Variants in WDR87 observed in about 807,000 individuals in gnomAD.
WDR87 encodes WD repeat-containing protein 87.
WDR87 carries 56 observed loss-of-function variants against 83.3 expected under a neutral mutation model. The ratio of observed to expected loss-of-function variants is 0.67; its 90% CI spans 0.54 to 0.84. The LOEUF is 0.84. Ranked by LOEUF, WDR87 falls within the 40% of genes least tolerant of loss-of-function variation. The probability of loss-of-function intolerance (pLI) is 0.00; values close to 1 mark genes in which losing one functional copy is unlikely to be tolerated. For synonymous variants in WDR87, 1,173 were observed against 1,250.6 expected (o/e 0.94, Z 1.31); for missense variants, 2,939 against 3,431.9 (o/e 0.86, Z 3.59).
At position 37,889,675 on chromosome 19, in the gene WDR87, T is replaced by G. The variant is rs774971983; in HGVS notation, c.3996A>C (p.Leu1332=). The G allele has an allele frequency of 6.4e-7, 1 of 1,551,778 alleles. No homozygotes were observed. Among genetic ancestry groups the G allele is most frequent in the South Asian group, 1.2e-5 (1 of 84,054 alleles). Residue 1332 remains leucine (L), a synonymous_variant, in exon 6 of 6, where the codon CTA becomes CTC. Coordinates refer to ENST00000447313, the MANE Select transcript of WDR87 (RefSeq NM_001291088.2). ...GCAGAACCTTACTTTCTTTCTTCAA[T>G]AGGGGGCAGATCTCCTGAAAGAGTT... ...SWELFQEICP[L]LKKESKVLLE...
In WDR87 at chr19:37,895,188, A is replaced by G. The variant is rs1428493823; in HGVS notation, c.515T>C (p.Val172Ala). Reference sequence around the variant, plus strand: ...ACCTAGCTCAATGACCCAGGTCACCACTGCCCCCAGGATGCCAGACAGAAG... The same window carrying G: ...ACCTAGCTCAATGACCCAGGTCACCGCTGCCCCCAGGATGCCAGACAGAAG... ...KMLLSGILGA[V>A]VTWVIELGGT... Residue 172 changes from valine (V) to alanine (A), a missense_variant, in exon 4 of 6, where the codon GTG becomes GCG. Val to Ala is a moderately conservative substitution (Grantham distance 64). Coordinates refer to ENST00000447313, the MANE Select transcript of WDR87 (RefSeq NM_001291088.2). 6.4e-6 allele frequency: 10 copies of G among 1,551,690 alleles called. No individual in the cohort carries two copies. The highest frequency in any genetic ancestry group is 7.8e-6 in the Non-Finnish European group (9 of 1,146,988).
At chr19:37,895,919 A>G in intron 3 of WDR87, 1 of 580,098 alleles carries the variant, frequency 1.7e-6, no homozygotes, top group Non-Finnish European at 2.9e-6. Flanking sequence ...CGGTAGAGGC[A>G]GGAATCCTAG....
Position 37,888,604 on chromosome 19 carries a change from C to T in WDR87, c.5067G>A (p.Lys1689=). 1 of 1,551,866 alleles carries T rather than the reference C, an allele frequency of 6.4e-7. No individual in the cohort carries two copies. Among genetic ancestry groups the T allele is most frequent in the Non-Finnish European group, 8.7e-7 (1 of 1,147,062 alleles). Residue 1689 remains lysine, a synonymous_variant, in exon 6 of 6, where the codon AAG becomes AAA. Transcript: ENST00000447313. Reference sequence around the variant, plus strand: ...CCAATTTCTCCGCCTCCTGGCTTAGCTTCTCCCCTCTTTGGGCCAGTGTTT... The same window carrying T: ...CCAATTTCTCCGCCTCCTGGCTTAGTTTCTCCCCTCTTTGGGCCAGTGTTT... ...KEETLAQRGE[K]LSQEAEKLAQ... is the part of the protein sequence containing the mutation.
rs771246610 is a variant in WDR87, at chr19:37,885,576, C to A, written c.8095G>T (p.Glu2699Ter). 3 of 1,551,592 alleles carry A rather than the reference C, an allele frequency of 1.9e-6. No individual in the cohort carries two copies. The highest frequency in any genetic ancestry group is 2.4e-5 in the East Asian group (1 of 40,938). ...RAQQISIAHK[E>*]MEMQYFYPAT... ...GGATAAAAGTATTGCATTTCCATCT[C>A]CTTGTGAGCAATGGATATCTGCTGT... Residue 2699 changes from glutamate to a stop codon, truncating the protein, a stop_gained, in exon 6 of 6, where the codon GAG becomes TAG. Coordinates refer to ENST00000447313, the MANE Select transcript of WDR87 (RefSeq NM_001291088.2). LOFTEE classifies it low-confidence loss of function (END_TRUNC).
Position 37,891,764 on chromosome 19 carries a change from T to C in WDR87, c.3182A>G (p.Asp1061Gly), listed in dbSNP as rs1193100510. Reference sequence around the variant, plus strand: ...CACTTGAGTGGAAAGGATTTGGAGATCTGTGGCCCGCATCCCCAGTAGATG... The same window carrying C: ...CACTTGAGTGGAAAGGATTTGGAGACCTGTGGCCCGCATCCCCAGTAGATG... ...LDHLLGMRAT[D>G]LQILSTQVEQ... The change falls in exon 5 of 6, where the codon GAT (aspartate) becomes GGT (glycine). Residue 1061 changes from aspartate (D) to glycine (G), a missense_variant. Coordinates refer to ENST00000447313, the MANE Select transcript of WDR87 (RefSeq NM_001291088.2). The C allele has an allele frequency of 1.9e-6, 3 of 1,552,134 alleles. No homozygotes were observed. The highest frequency in any genetic ancestry group is 2.6e-6 in the Non-Finnish European group (3 of 1,147,132).
rs1403158794 is a variant in WDR87 at position 37,894,387 on chromosome 19, G to T, written c.1316C>A (p.Thr439Asn). The change falls in exon 4 of 6, where the codon ACC becomes AAC. Residue 439 changes from threonine (T) to asparagine (N), a missense_variant. Physicochemically the swap from Thr to Asn is moderately conservative, Grantham distance 65 (BLOSUM62 0). Transcript: ENST00000447313. The stretch of plus-strand genomic sequence containing the variant: ...ATACTTGGCTGGGCAAGGGCAGCGG[G>T]TTGTGTCAAATACCAGAACCTCTGA... ...GSSEVLVFDT[T>N]RCPCPAKYLL... 3.9e-6 allele frequency: 6 copies of T among 1,551,650 alleles called. No individual in the cohort carries two copies. In the African/African-American group the frequency reaches 8.2e-5, roughly 21 times the overall value.
Position 37,893,444 on chromosome 19 carries a change from ATCT to A in WDR87, c.2256_2258del (p.Glu752del), listed in dbSNP as rs1208767912. The A allele has an allele frequency of 5.8e-6, 9 of 1,552,022 alleles. No individual in the cohort carries two copies. The highest frequency in any genetic ancestry group is 2.7e-5 in the African/African-American group (2 of 73,052). On this transcript the variant is annotated inframe_deletion, in exon 4 of 6. Transcript: ENST00000447313. ...GCAGTAACACTGGGCTCCCTTCCTC[ATCT>A]TCTTCTATCACATGTGGCACAGAAT...
rs1186103039 is a variant in WDR87 at position 37,891,570 on chromosome 19, C to T, written c.3376G>A (p.Ala1126Thr). The T allele has an allele frequency of 6.4e-7, 1 of 1,552,198 alleles. No individual in the cohort carries two copies. The highest frequency in any genetic ancestry group is 2.0e-5 in the Admixed American group (1 of 50,992). The part of the protein sequence containing the change: ...KPSKGQRRGQ[A>T]GVKKHSQKWL... ...TACATACTATGCTTTTTGACCCCTG[C>T]TTGGCCTCGTCTTTGGCCTTTGCTG... The change falls in exon 5 of 6, where the codon GCA (alanine) becomes ACA (threonine). Residue 1126 changes from alanine to threonine, a missense_variant. Coordinates refer to ENST00000447313, the MANE Select transcript of WDR87 (RefSeq NM_001291088.2).
Position 37,886,530 on chromosome 19 carries a change from CT to C in WDR87, c.7140del (p.Glu2381ArgfsTer3). On this transcript the variant is annotated frameshift_variant, in exon 6 of 6. Coordinates refer to ENST00000447313, the MANE Select transcript of WDR87 (RefSeq NM_001291088.2). LOFTEE classifies it low-confidence loss of function (END_TRUNC). The stretch of plus-strand genomic sequence containing the variant: ...AATTGTTTTTCTTTTTTTAAGATCT[CT>C]TTTTCCCTGTCCACCTCTTCTTCCA... ...CSLEEEVDRE[K>X]EILKKEKQFK... 1 of 1,502,498 alleles carries C rather than the reference CT, an allele frequency of 6.7e-7. No individual in the cohort carries two copies. Among genetic ancestry groups the C allele is most frequent in the Non-Finnish European group, 8.8e-7 (1 of 1,131,270 alleles). The allele number at this position is 1,502,498 out of a possible 1,614,324, so 93.1% of individuals were successfully genotyped here.
In WDR87 at chr19:37,887,960, T is replaced by C. The variant is rs2046165705; in HGVS notation, c.5711A>G (p.Glu1904Gly). 2 of 1,551,066 alleles carry C rather than the reference T, an allele frequency of 1.3e-6. No individual in the cohort carries two copies. Among genetic ancestry groups the C allele is most frequent in the African/African-American group, 2.7e-5 (2 of 73,048 alleles). Residue 1904 changes from glutamate (E) to glycine (G), a missense_variant, in exon 6 of 6, where the codon GAA becomes GGA. By Grantham distance (98) the Glu-to-Gly change is moderately conservative. Transcript: ENST00000447313. ...TTGCTTTTTGCTGTGGGTGAGTCTT[T>C]CTTTATTATAGAGTAGGTTCTCTTT... ...QRKENLLYNK[E>G]RLTHSKKQLV...
Position 37,889,610 on chromosome 19 carries a change from T to C in WDR87, c.4061A>G (p.Lys1354Arg). ...TGCTCCTTCCTGGATAAAAATTGGTTTCTTCTCTGGCGGGACTACATCCCA... is the reference window on the plus strand; with the variant it reads ...TGCTCCTTCCTGGATAAAAATTGGTCTCTTCTCTGGCGGGACTACATCCCA... ...LDWDVVPPEK[K>R]PIFIQEGAIR... Residue 1354 changes from lysine (K) to arginine (R), a missense_variant, in exon 6 of 6, where the codon AAA (lysine) becomes AGA (arginine). Physicochemically the swap from Lys to Arg is conservative, Grantham distance 26. This residue lies in a region of WDR87 where 2,160 missense variants were observed against 2,533.1 expected (regional missense o/e 0.85). Coordinates refer to ENST00000447313, the MANE Select transcript of WDR87 (RefSeq NM_001291088.2). The C allele has an allele frequency of 3.9e-6, 6 of 1,551,824 alleles. No homozygotes were observed. Among genetic ancestry groups the C allele is most frequent in the Non-Finnish European group, 5.2e-6 (6 of 1,147,042 alleles).
intron 1 of WDR87, among the ~76,000 whole-genome samples, chr19:37,905,497 C>T (rs1209089100): frequency 6.6e-6 from 1 of 150,922 alleles, no homozygotes; most frequent in African/African-American, 2.4e-5. Context: ...TGAATTTTAC[C>T]TGTTTATGTC....
rs777335013 is a variant in WDR87, at chr19:37,894,535, G to T, written c.1168C>A (p.Arg390Ser). 1.3e-6 allele frequency: 2 copies of T among 1,551,666 alleles called. No individual in the cohort carries two copies. Among genetic ancestry groups the T allele is most frequent in the Non-Finnish European group, 1.7e-6 (2 of 1,146,998 alleles). Residue 390 changes from arginine to serine, a missense_variant, in exon 4 of 6, where the codon CGC becomes AGC. Arg to Ser is a moderately radical substitution (Grantham distance 110). Coordinates refer to ENST00000447313, the MANE Select transcript of WDR87 (RefSeq NM_001291088.2). Reference protein sequence around the residue: ...ILCTTEDGLLRFVSPVTGDLL... With the variant: ...ILCTTEDGLLSFVSPVTGDLL... ...TCCCCTGTTACTGGGGACACAAAGC[G>T]CAACAAGCCATCCTCAGTGGTACAC...
intron 5 of WDR87, 147 bp from the exon 6 acceptor site, chr19:37,890,423 T>G: frequency 8.9e-7 from 1 of 1,123,258 alleles, no homozygotes; most frequent in Non-Finnish European, 1.2e-6. Context: ...AAGCATTCTC[T>G]TTGCTTTATT....
rs1265022737 is a variant in WDR87 at position 37,894,559 on chromosome 19, A to G, written c.1144T>C (p.Cys382Arg). ...CCGNNWFRIL[C>R]TTEDGLLRFV... ...CGCAACAAGCCATCCTCAGTGGTAC[A>G]CAGGATCCGGAACCAGTTATTTCCA... is the stretch of plus-strand genomic sequence containing the variant. Residue 382 changes from cysteine (C) to arginine (R), a missense_variant, in exon 4 of 6, where the codon TGT becomes CGT. Cys to Arg is a radical substitution (Grantham distance 180). This residue lies in a region of WDR87 where 553 missense variants were observed against 577.9 expected (regional missense o/e 0.96). Coordinates refer to ENST00000447313, the MANE Select transcript of WDR87 (RefSeq NM_001291088.2). 11 of 1,551,726 alleles carry G rather than the reference A, an allele frequency of 7.1e-6. No individual in the cohort carries two copies. The highest frequency in any genetic ancestry group is 9.6e-6 in the Non-Finnish European group (11 of 1,146,992).
rs2046161549 is a variant in WDR87, at chr19:37,887,625, G to A, written c.6046C>T (p.Leu2016=). The change falls in exon 6 of 6, where the codon CTG becomes TTG. Residue 2016 remains leucine, a synonymous_variant. Coordinates refer to ENST00000447313, the MANE Select transcript of WDR87 (RefSeq NM_001291088.2). ...GACAGTGTTTCTTTTCCCTCAACCA[G>A]TCTCATCTTCTCCTCAGCCAGTCTT... ...MKRLAEEKMR[L]VEGKETLSKG... 6.4e-7 allele frequency: 1 copy of A among 1,551,836 alleles called. No individual in the cohort carries two copies.
In WDR87 at chr19:37,885,304, C is replaced by T. The variant is rs1338944528; in HGVS notation, c.8367G>A (p.Trp2789Ter). Reference sequence around the variant, plus strand: ...CCATGAGCTGGTAGAACTGTTCCATCCAAGCAGTGCTGTCTTTTGGATATC... The same window carrying T: ...CCATGAGCTGGTAGAACTGTTCCATTCAAGCAGTGCTGTCTTTTGGATATC... ...QQRYPKDSTA[W>*]MEQFYQLMDL... The change falls in exon 6 of 6, where the codon TGG becomes TGA. Residue 2789 changes from tryptophan to a stop codon, truncating the protein, a stop_gained. Coordinates refer to ENST00000447313, the MANE Select transcript of WDR87 (RefSeq NM_001291088.2). LOFTEE classifies it low-confidence loss of function (END_TRUNC). The T allele has an allele frequency of 1.3e-6, 2 of 1,550,152 alleles. No homozygotes were observed. Among genetic ancestry groups the T allele is most frequent in the East Asian group, 2.4e-5 (1 of 40,934 alleles).
At chr19:37,890,644 A>C (rs1477913733) in intron 5 of WDR87, among the ~76,000 whole-genome samples, 1 of 152,180 alleles carries the variant, frequency 6.6e-6, no homozygotes, top group Non-Finnish European at 1.5e-5. Context: ...CTGCAATCAC[A>C]ATCAGGATAT....
Position 37,885,586 on chromosome 19 carries a change from A to G in WDR87, c.8085T>C (p.Ile2695=), listed in dbSNP as rs2046136739. 1.3e-6 allele frequency: 2 copies of G among 1,551,730 alleles called. No homozygotes were observed. Among genetic ancestry groups the G allele is most frequent in the Non-Finnish European group, 1.7e-6 (2 of 1,147,006 alleles). The stretch of plus-strand genomic sequence containing the variant: ...ATTGCATTTCCATCTCCTTGTGAGC[A>G]ATGGATATCTGCTGTGCCCTCTCAC... ...YRSERAQQIS[I]AHKEMEMQYF... The change falls in exon 6 of 6, where the codon ATT becomes ATC. Residue 2695 remains isoleucine, a synonymous_variant. Transcript: ENST00000447313.
Sources: gnomAD v4.1 joint callset for allele counts (sites outside exome capture counted in the v4.1 genomes callset) on GRCh38, gnomAD v4.1.1 for gene constraint, gnomAD v4.1.1 regional missense constraint, MANE v1.5 for transcripts, NCBI Gene and HGNC (gene_info 2026-07-23, HGNC 2026-07-21) for gene names.